Variants in STX8 observed in about 807,000 individuals in gnomAD.
STX8 encodes the protein syntaxin 8, also known as syntaxin-8.
In STX8, 23 loss-of-function variants were observed where a neutral mutation model predicts 37.5. The ratio of observed to expected loss-of-function variants is 0.61; its 90% CI spans 0.44 to 0.87. The LOEUF (loss-of-function observed/expected upper bound fraction) is 0.87. STX8 is among the 40% of genes least tolerant of loss of function. STX8 has a pLI of 0.00. For missense variants in STX8, 313 were observed against 284.7 expected (o/e 1.10, Z -0.71); for synonymous variants, 115 against 99.1 (o/e 1.16, Z -0.95).
chr17:9,374,145 G>A (rs1018898170), intron 7 of STX8, among the ~76,000 whole-genome samples: 3 of 149,976 alleles, frequency 2.0e-5, no homozygotes, highest in African/African-American at 7.4e-5. Flanking sequence ...GCAGCGGCAC[G>A]ATCGCGGCTC....
In STX8 at chr17:9,259,633, G is replaced by A. The variant is rs577398390; in HGVS notation, c.644-8988C>T. 1.2e-4 allele frequency among the ~76,000 whole-genome samples: 18 copies of A among 152,304 alleles called. No individual in the cohort carries two copies. In the East Asian group the frequency reaches 3.1e-3, roughly 26 times the overall value. ...CAGCTGTGCTGGGCGGAATGCTGGCGGCGGTCAGCAGGCAGGCAGAACACA... is the reference window on the plus strand; with the variant it reads ...CAGCTGTGCTGGGCGGAATGCTGGCAGCGGTCAGCAGGCAGGCAGAACACA... On this transcript the variant is annotated intron_variant, in intron 7 of 7. Transcript: ENST00000306357.
chr17:9,535,667 C>T (rs1274455873), intron 4 of STX8, among the ~76,000 whole-genome samples: 1 of 151,988 alleles, frequency 6.6e-6, no homozygotes, highest in African/African-American at 2.4e-5. Flanking sequence ...CTCCTGACCT[C>T]ATGATCTGCC....
At chr17:9,519,656 A>G (rs564100091) in intron 4 of STX8, among the ~76,000 whole-genome samples, 1 of 152,230 alleles carries the variant, frequency 6.6e-6, no homozygotes, top group East Asian at 1.9e-4. Context: ...CAGAAGCTAC[A>G]ACATGGCTAC....
intron 7 of STX8, among the ~76,000 whole-genome samples, chr17:9,266,767 G>A (rs1907246401): frequency 6.6e-6 from 1 of 151,982 alleles, no homozygotes; most frequent in Admixed American, 6.6e-5. Flanking sequence ...CGGTGGGGAG[G>A]GCAGAAGAAA....
chr17:9,537,898 CT>C (rs1216033924), intron 4 of STX8, among the ~76,000 whole-genome samples: 5 of 152,098 alleles, frequency 3.3e-5, no homozygotes, highest in African/African-American at 1.2e-4. Flanking sequence ...TTGTATGATT[CT>C]TTATTTCATG....
chr17:9,252,522 T>C (rs1906622406), intron 7 of STX8, among the ~76,000 whole-genome samples: 1 of 149,502 alleles, frequency 6.7e-6, no homozygotes, highest in Admixed American at 6.7e-5. Context: ...GGCAAGAGAA[T>C]CGTTTGAACA....
chr17:9,337,042 C>A (rs1037203196), intron 7 of STX8, among the ~76,000 whole-genome samples: 1 of 152,114 alleles, frequency 6.6e-6, no homozygotes, highest in Non-Finnish European at 1.5e-5. Context: ...GAACTGAGAG[C>A]TTTACACGTC....
chr17:9,414,140 A>ACCCACCTACCCATTTGTCCGTCTGTCCG, intron 6 of STX8, among the ~76,000 whole-genome samples: 1 of 15,916 alleles, frequency 6.3e-5, no homozygotes, highest in African/African-American at 2.3e-4. Flanking sequence ...CCATCCATCC[A>ACCCACCTACCCATTTGTCCGTCTGTCCG]TCCATCCATC....
chr17:9,297,255 A>G (rs200914127), intron 7 of STX8, among the ~76,000 whole-genome samples: 5 of 148,434 alleles, frequency 3.4e-5, no homozygotes, highest in East Asian at 1.9e-4. Flanking sequence ...AAAAAAAAAA[A>G]AAGAAAAAAA....
chr17:9,474,146 GGA>G (rs977751405), intron 6 of STX8, among the ~76,000 whole-genome samples: 93 of 151,956 alleles, frequency 6.1e-4, no homozygotes, highest in African/African-American at 2.2e-3. Flanking sequence ...TGGGGGACAA[GGA>G]GAGGGTGATA....
chr17:9,412,093 G>C (rs1336707651), intron 6 of STX8, among the ~76,000 whole-genome samples: 2 of 152,168 alleles, frequency 1.3e-5, no homozygotes, highest in Non-Finnish European at 2.9e-5. Flanking sequence ...CAGTCAACTT[G>C]AGTTGACGGA....
At chr17:9,445,638 G>A (rs865855479) in intron 6 of STX8, among the ~76,000 whole-genome samples, 7 of 151,854 alleles carry the variant, frequency 4.6e-5, no homozygotes, top group Middle Eastern at 6.8e-3. Flanking sequence ...GATCAAGCAG[G>A]TACCGTGTTT....
At chr17:9,383,676 A>T (rs1274554408) in intron 6 of STX8, among the ~76,000 whole-genome samples, 8 of 152,244 alleles carry the variant, frequency 5.3e-5, no homozygotes, top group Non-Finnish European at 1.2e-4. Flanking sequence ...AGGGAGCTGT[A>T]AAGGTGCATT....
intron 7 of STX8, among the ~76,000 whole-genome samples, chr17:9,303,393 A>G (rs1374375955): frequency 1.3e-5 from 2 of 152,316 alleles, no homozygotes; most frequent in East Asian, 1.9e-4. Flanking sequence ...TCTACATTCT[A>G]TAAGCCACAA....
chr17:9,378,294 C>G (rs979009508), intron 7 of STX8: 2 of 394,080 alleles, frequency 5.1e-6, no homozygotes, highest in Admixed American at 3.9e-5. Context: ...CCATTAATCT[C>G]TGTAAACACA....
At chr17:9,517,967 G>A (rs1428844330) in intron 4 of STX8, among the ~76,000 whole-genome samples, 2 of 152,026 alleles carry the variant, frequency 1.3e-5, no homozygotes, top group Non-Finnish European at 2.9e-5. Flanking sequence ...AGTGGAGAGT[G>A]GGCAAAATTT....
chr17:9,448,826 C>G (rs935505470), intron 6 of STX8, among the ~76,000 whole-genome samples: 4 of 152,042 alleles, frequency 2.6e-5, no homozygotes, highest in Non-Finnish European at 5.9e-5. Flanking sequence ...AGGACTGACT[C>G]TAATTATTTT....
intron 7 of STX8, among the ~76,000 whole-genome samples, chr17:9,288,577 C>G (rs545786606): frequency 1.6e-4 from 24 of 152,036 alleles, no homozygotes; most frequent in South Asian, 4.1e-4. Flanking sequence ...CAGGAGAATG[C>G]CGTGAACCCG....
chr17:9,309,747 G>A (rs78462123), intron 7 of STX8, among the ~76,000 whole-genome samples: 53 of 152,290 alleles, frequency 3.5e-4, no homozygotes, highest in Non-Finnish European at 6.6e-4. Flanking sequence ...GGGGTCATGA[G>A]ACTTGTAAGA....
Sources: gnomAD v4.1 joint callset for allele counts (sites outside exome capture counted in the v4.1 genomes callset) on GRCh38, gnomAD v4.1.1 for gene constraint, MANE v1.5 for transcripts, NCBI Gene and HGNC (gene_info 2026-07-23, HGNC 2026-07-21) for gene names.